Variants in SNTG1 observed in about 807,000 individuals in gnomAD.
SNTG1 encodes the protein syntrophin gamma 1.
A neutral mutation model predicts 74.7 loss-of-function variants in SNTG1; 39 were observed. That is an observed-to-expected ratio of 0.52 (90% CI 0.40 to 0.68). The LOEUF is 0.68. SNTG1 is among the 30% of genes least tolerant of loss of function. The probability of loss-of-function intolerance (pLI) is 0.00; values close to 1 mark genes in which losing one functional copy is unlikely to be tolerated. For missense variants in SNTG1, 685 were observed against 609.5 expected (o/e 1.12, Z -1.30); for synonymous variants, 254 against 217.1 (o/e 1.17, Z -1.49).
chr8:50,236,631 T>C (rs2085916311), intron 2 of SNTG1, among the ~76,000 whole-genome samples: 1 of 151,966 alleles, frequency 6.6e-6, no homozygotes, highest in Non-Finnish European at 1.5e-5. Flanking sequence ...TTTGTGTTTT[T>C]AGTAGAGACG....
At chr8:50,412,108 T>C (rs1307235983) in intron 4 of SNTG1, among the ~76,000 whole-genome samples, 1 of 152,214 alleles carries the variant, frequency 6.6e-6, no homozygotes, top group Admixed American at 6.5e-5. Flanking sequence ...TTAATTTTTT[T>C]GTGAAATACA....
chr8:50,486,970 T>G (rs572790455), intron 8 of SNTG1, among the ~76,000 whole-genome samples: 13 of 152,352 alleles, frequency 8.5e-5, no homozygotes, highest in African/African-American at 2.9e-4. Context: ...TTTGCATATA[T>G]TGAACCAGCC....
At chr8:50,718,824 G>T (rs1320364462) in intron 17 of SNTG1, among the ~76,000 whole-genome samples, 1 of 152,152 alleles carries the variant, frequency 6.6e-6, no homozygotes, top group Non-Finnish European at 1.5e-5. Context: ...AAACTATACA[G>T]ATATTTATTA....
chr8:49,966,982 T>C (rs1811201372), intron 1 of SNTG1, among the ~76,000 whole-genome samples: 1 of 152,164 alleles, frequency 6.6e-6, no homozygotes, highest in Non-Finnish European at 1.5e-5. Context: ...CAATAATCTA[T>C]AAACAATGTC....
intron 3 of SNTG1, 121 bp downstream of exon 3, chr8:50,394,386 T>C: frequency 1.1e-6 from 1 of 893,048 alleles, no homozygotes; most frequent in Non-Finnish European, 1.7e-6. Context: ...GAGGATGGGC[T>C]CTTTTTCCTT....
At chr8:49,978,290 A>G (rs1163530036) in intron 1 of SNTG1, among the ~76,000 whole-genome samples, 1 of 152,100 alleles carries the variant, frequency 6.6e-6, no homozygotes, top group Non-Finnish European at 1.5e-5. Context: ...GAAAGGGGGA[A>G]GAGGAGAGGA....
chr8:50,197,153 AT>A (rs973470124), intron 2 of SNTG1, among the ~76,000 whole-genome samples: 10 of 152,106 alleles, frequency 6.6e-5, no homozygotes, highest in Non-Finnish European at 1.2e-4. Flanking sequence ...TTCCATATTT[AT>A]TTTTCTTTGT....
chr8:50,616,726 G>T (rs1365116343), intron 13 of SNTG1, among the ~76,000 whole-genome samples: 1 of 152,198 alleles, frequency 6.6e-6, no homozygotes, highest in African/African-American at 2.4e-5. Context: ...AGAATGATTA[G>T]ATAATTGTGC....
chr8:50,653,365 A>C (rs998207973), intron 13 of SNTG1, among the ~76,000 whole-genome samples: 1 of 152,122 alleles, frequency 6.6e-6, no homozygotes, highest in Non-Finnish European at 1.5e-5. Flanking sequence ...TGGGGAGGTC[A>C]CGTTAGAGCT....
chr8:50,780,657 C>T (rs1225819870), intron 18 of SNTG1, among the ~76,000 whole-genome samples: 1 of 152,106 alleles, frequency 6.6e-6, no homozygotes, highest in Non-Finnish European at 1.5e-5. Context: ...AAAACCAGCT[C>T]CTGGATTCTT....
chr8:50,584,377 C>T (rs1225317299), intron 12 of SNTG1, among the ~76,000 whole-genome samples: 8 of 152,008 alleles, frequency 5.3e-5, no homozygotes. Flanking sequence ...TTTACCGTCC[C>T]ACCAACAGCG....
At chr8:50,628,149 C>T (rs768062628) in intron 13 of SNTG1, among the ~76,000 whole-genome samples, 5 of 152,128 alleles carry the variant, frequency 3.3e-5, no homozygotes, top group African/African-American at 4.8e-5. Flanking sequence ...TATTTTCTTT[C>T]TTCCAGAACA....
At chr8:50,623,243 G>C (rs998290612) in intron 13 of SNTG1, among the ~76,000 whole-genome samples, 4 of 152,036 alleles carry the variant, frequency 2.6e-5, no homozygotes, top group Admixed American at 1.3e-4. Context: ...ACCTTGTCTT[G>C]TTTTTGATCT....
At chr8:50,732,232 A>G (rs926711599) in intron 17 of SNTG1, among the ~76,000 whole-genome samples, 9 of 152,076 alleles carry the variant, frequency 5.9e-5, no homozygotes, top group African/African-American at 1.9e-4. Flanking sequence ...ATAAAATATC[A>G]TTTCAAATTT....
At chr8:50,003,866 T>A (rs1355410790) in intron 1 of SNTG1, among the ~76,000 whole-genome samples, 1 of 152,206 alleles carries the variant, frequency 6.6e-6, no homozygotes, top group Non-Finnish European at 1.5e-5. Flanking sequence ...GTCTCTCTCC[T>A]GTTTTCTGGA....
At chr8:50,738,805 A>C (rs1323382368) in intron 17 of SNTG1, among the ~76,000 whole-genome samples, 3 of 151,916 alleles carry the variant, frequency 2.0e-5, no homozygotes, top group African/African-American at 7.3e-5. Context: ...AAAAAAAAGC[A>C]ATGGGGAAAG....
At chr8:50,051,503 A>G (rs1030419522) in intron 1 of SNTG1, among the ~76,000 whole-genome samples, 20 of 152,140 alleles carry the variant, frequency 1.3e-4, no homozygotes, top group Admixed American at 2.6e-4. Flanking sequence ...AAGTGCCACA[A>G]ATGAGGTGGC....
Position 50,606,572 on chromosome 8 carries a change from C to T in SNTG1, c.849+15655C>T, listed in dbSNP as rs566493549. 4.0e-5 allele frequency among the ~76,000 whole-genome samples: 6 copies of T among 151,802 alleles called. No homozygotes were observed. The South Asian group carries it at 1.2e-3, about 32-fold the overall frequency. On this transcript the variant is annotated intron_variant, in intron 13 of 18. Coordinates refer to ENST00000642720, the MANE Select transcript of SNTG1 (RefSeq NM_018967.5). ...ATTTCATTTTGGATACATTTTATTTCTTTTTAATAATTCATGGCACTGTGA... is the reference window on the plus strand; with the variant it reads ...ATTTCATTTTGGATACATTTTATTTTTTTTTAATAATTCATGGCACTGTGA...
At chr8:50,149,824 C>T (rs566577050) in intron 1 of SNTG1, among the ~76,000 whole-genome samples, 127 of 152,178 alleles carry the variant, frequency 8.3e-4, no homozygotes, top group African/African-American at 2.7e-3. Context: ...AGTCAGGTAT[C>T]GTGATGCTTC....
Sources: allele counts gnomAD v4.1 joint callset (sites outside exome capture counted in the v4.1 genomes callset), GRCh38; gene constraint gnomAD v4.1.1; transcripts MANE v1.5; gene names NCBI Gene and HGNC (gene_info 2026-07-23, HGNC 2026-07-21).